Variants in DLGAP2 observed in about 807,000 individuals in gnomAD.
DLGAP2 encodes disks large-associated protein 2.
A neutral mutation model predicts 100.3 loss-of-function variants in DLGAP2; 26 were observed. That is an observed-to-expected ratio of 0.26 (90% CI 0.19 to 0.36). DLGAP2 has a LOEUF of 0.36. Among genes scored for constraint, DLGAP2 ranks in the 10% least tolerant of loss-of-function variants. The pLI is 1.00. For missense variants in DLGAP2, 1,858 were observed against 1,453.2 expected, an observed-to-expected ratio of 1.28 and a Z score of -4.53; for synonymous variants, 886 against 630.1, an observed-to-expected ratio of 1.41 and a Z score of -6.08.
At chr8:1,577,905 G>T (rs1803058117) in intron 6 of DLGAP2, among the ~76,000 whole-genome samples, 1 of 152,220 alleles carries the variant, frequency 6.6e-6, no homozygotes, top group South Asian at 2.1e-4. Context: ...GGTGCCACTG[G>T]CACCAGCGCG....
At chr8:1,136,586 T>G (rs1159291301) in intron 2 of DLGAP2, among the ~76,000 whole-genome samples, 1 of 152,170 alleles carries the variant, frequency 6.6e-6, no homozygotes, top group African/African-American at 2.4e-5. Context: ...GGCACTCAGA[T>G]CTAGTGCCTG....
intron 12 of DLGAP2, among the ~76,000 whole-genome samples, chr8:1,681,365 G>T (rs926176007): frequency 1.3e-5 from 2 of 152,100 alleles, no homozygotes; most frequent in Non-Finnish European, 2.9e-5. Context: ...GGGCACAGTG[G>T]CTCACACCTG....
intron 2 of DLGAP2, among the ~76,000 whole-genome samples, chr8:1,181,221 G>A (rs1797380286): frequency 6.7e-6 from 1 of 149,918 alleles, no homozygotes; most frequent in Non-Finnish European, 1.5e-5. Flanking sequence ...TGTCGAGTGT[G>A]GGTGGCTGTG....
At chr8:1,458,723 A>G (rs1798389519) in intron 3 of DLGAP2, among the ~76,000 whole-genome samples, 1 of 152,218 alleles carries the variant, frequency 6.6e-6, no homozygotes, top group African/African-American at 2.4e-5. Context: ...GGGTTTGCAC[A>G]CAGCCTTCAG....
intron 2 of DLGAP2, among the ~76,000 whole-genome samples, chr8:1,226,523 G>A (rs1380990231): frequency 2.0e-5 from 3 of 152,126 alleles, no homozygotes; most frequent in Non-Finnish European, 4.4e-5. Flanking sequence ...TGCATGTGGG[G>A]CTTAATACCA....
intron 5 of DLGAP2, among the ~76,000 whole-genome samples, chr8:1,563,313 G>A (rs1327319260): frequency 2.6e-5 from 1 of 38,238 alleles, no homozygotes; most frequent in African/African-American, 1.3e-4. Context: ...TGGGGTGTCC[G>A]TGCCTCGTTA....
At chr8:907,245 C>T (rs977522296) in intron 1 of DLGAP2, among the ~76,000 whole-genome samples, 2 of 152,178 alleles carry the variant, frequency 1.3e-5, no homozygotes, top group African/African-American at 4.8e-5. Context: ...TTCAGCTTTT[C>T]CTCTAATTGA....
chr8:1,578,316 A>G (rs1165242461), intron 6 of DLGAP2, among the ~76,000 whole-genome samples: 1 of 152,172 alleles, frequency 6.6e-6, no homozygotes, highest in African/African-American at 2.4e-5. Flanking sequence ...TCGACTTGCT[A>G]ATTGTATTTA....
intron 3 of DLGAP2, among the ~76,000 whole-genome samples, chr8:1,263,481 C>G (rs1585204925): frequency 6.6e-6 from 1 of 152,124 alleles, no homozygotes; most frequent in Admixed American, 6.5e-5. Context: ...GGAACCCAGG[C>G]CACCTCTTCT....
intron 2 of DLGAP2, among the ~76,000 whole-genome samples, chr8:973,220 C>T (rs944548962): frequency 2.0e-5 from 3 of 150,724 alleles, no homozygotes; most frequent in African/African-American, 7.3e-5. Context: ...CCACCTCCCT[C>T]CCAGACGGGG....
intron 3 of DLGAP2, among the ~76,000 whole-genome samples, chr8:1,362,033 C>T (rs377687184): frequency 9.2e-5 from 14 of 152,252 alleles, no homozygotes; most frequent in South Asian, 4.1e-4. Context: ...GTGGCAAGTT[C>T]GGTGTCTGGG....
chr8:1,592,459 A>T (rs1229520331), intron 6 of DLGAP2, among the ~76,000 whole-genome samples: 12 of 151,910 alleles, frequency 7.9e-5, no homozygotes, highest in Non-Finnish European at 4.4e-5. Context: ...CTGAAGTGCA[A>T]ATATGGTCCT....
chr8:1,373,240 GCCCCTCGGGGGGAGGCGC>G (rs1051242719), intron 3 of DLGAP2, among the ~76,000 whole-genome samples: 3 of 148,684 alleles, frequency 2.0e-5, no homozygotes, highest in Admixed American at 6.6e-5. Flanking sequence ...AGAAAGCCAC[GCCCCTCGGGGGGAGGCGC>G]CGCCGCCACG....
chr8:1,073,017 C>A (rs1803483201), intron 2 of DLGAP2, among the ~76,000 whole-genome samples: 1 of 152,022 alleles, frequency 6.6e-6, no homozygotes, highest in Admixed American at 6.5e-5. Context: ...TTGTACCTCT[C>A]ATTTGTACCT....
chr8:1,318,763 C>G lies in DLGAP2; in HGVS notation c.106+59880C>G, dbSNP rs10094861. Among the ~76,000 whole-genome samples, 3 of 145,886 alleles carry G rather than the reference C, an allele frequency of 2.1e-5. No individual in the cohort carries two copies. In the Admixed American group the frequency reaches 2.1e-4, roughly 10 times the overall value. On this transcript the variant is annotated intron_variant, in intron 3 of 14. Coordinates refer to ENST00000637795, the MANE Select transcript of DLGAP2 (RefSeq NM_001346810.2). ...TTTACTGTTTTCATTGTAACTAATCCATTGTCAGTGATCAGCCCCCCCCCC... is the reference window on the plus strand; with the variant it reads ...TTTACTGTTTTCATTGTAACTAATCGATTGTCAGTGATCAGCCCCCCCCCC...
chr8:1,628,750 C>G (rs1351118738), intron 7 of DLGAP2, among the ~76,000 whole-genome samples: 1 of 151,336 alleles, frequency 6.6e-6, no homozygotes, highest in Non-Finnish European at 1.5e-5. Context: ...CACATTCTCT[C>G]TGACTTACTG....
chr8:785,170 T>G (rs1821804843), intron 1 of DLGAP2, among the ~76,000 whole-genome samples: 1 of 127,890 alleles, frequency 7.8e-6, no homozygotes, highest in Non-Finnish European at 1.5e-5. Flanking sequence ...TGAGCAGAGA[T>G]CGTGCCACTG....
chr8:1,310,263 T>C lies in DLGAP2; in HGVS notation c.106+51380T>C, dbSNP rs191261222. Among the ~76,000 whole-genome samples, 193 of 151,730 alleles carry C rather than the reference T, an allele frequency of 1.3e-3. 2 individuals carry two copies. In the Middle Eastern group the frequency reaches 0.021, roughly 16 times the overall value. ...ACAAAAAAGACAATAATTAAGAAAATGAAGGACAGAGGCTATTTATATATT... is the reference window on the plus strand; with the variant it reads ...ACAAAAAAGACAATAATTAAGAAAACGAAGGACAGAGGCTATTTATATATT... On this transcript the variant is annotated intron_variant, in intron 3 of 14. Coordinates refer to ENST00000637795, the MANE Select transcript of DLGAP2 (RefSeq NM_001346810.2).
intron 2 of DLGAP2, among the ~76,000 whole-genome samples, chr8:989,977 G>A (rs1055843643): frequency 6.6e-6 from 1 of 152,036 alleles, no homozygotes; most frequent in Non-Finnish European, 1.5e-5. Flanking sequence ...TCTGAGGAAC[G>A]TATTCCTCAG....
Sources: gnomAD v4.1 joint callset for allele counts (sites outside exome capture counted in the v4.1 genomes callset) on GRCh38, gnomAD v4.1.1 for gene constraint, MANE v1.5 for transcripts, NCBI Gene and HGNC (gene_info 2026-07-23, HGNC 2026-07-21) for gene names.